Variants in ZFAND3 observed in about 807,000 individuals in gnomAD.
ZFAND3 encodes AN1-type zinc finger protein 3.
In ZFAND3, 10 loss-of-function variants were observed where a neutral mutation model predicts 29.6. The ratio of observed to expected loss-of-function variants is 0.34; its 90% CI spans 0.21 to 0.57. The LOEUF is 0.57. ZFAND3 is among the 20% of genes least tolerant of loss of function. ZFAND3 has a pLI of 0.86. For missense variants in ZFAND3, 230 were observed against 304.5 expected, an observed-to-expected ratio of 0.76 and a Z score of 1.82; for synonymous variants, 128 against 112.6, an observed-to-expected ratio of 1.14 and a Z score of -0.87.
intron 2 of ZFAND3, among the ~76,000 whole-genome samples, chr6:38,042,857 T>C (rs1473370701): frequency 8.5e-5 from 13 of 152,182 alleles, no homozygotes; most frequent in Admixed American, 8.5e-4. Context: ...AGTCATAGAT[T>C]AGCGTTCATG....
intron 2 of ZFAND3, among the ~76,000 whole-genome samples, chr6:37,985,527 A>ACACCC (rs753070737): frequency 1.4e-5 from 2 of 141,656 alleles, no homozygotes; most frequent in Non-Finnish European, 3.2e-5. Flanking sequence ...ACACACACAC[A>ACACCC]CCCCCACACA....
intron 2 of ZFAND3, among the ~76,000 whole-genome samples, chr6:37,935,753 A>T (rs1004889678): frequency 1.3e-5 from 2 of 152,186 alleles, no homozygotes. Flanking sequence ...AAAATCTTGG[A>T]ATCTAATTTG....
chr6:37,897,937 C>A lies in ZFAND3; in HGVS notation c.72-32022C>A, dbSNP rs188702817. 2.0e-5 allele frequency among the ~76,000 whole-genome samples: 3 copies of A among 152,266 alleles called. No homozygotes were observed. The East Asian group carries it at 5.8e-4, about 29-fold the overall frequency. ...GTTCTTTTTATAGTTTACGCACATACCCACACACACACCCCATGTATGTGT... is the reference window on the plus strand; with the variant it reads ...GTTCTTTTTATAGTTTACGCACATAACCACACACACACCCCATGTATGTGT... On this transcript the variant is annotated intron_variant, in intron 1 of 5. Transcript: ENST00000287218.
intron 2 of ZFAND3, among the ~76,000 whole-genome samples, chr6:37,956,845 A>C (rs987502869): frequency 6.6e-6 from 1 of 152,168 alleles, no homozygotes; most frequent in African/African-American, 2.4e-5. Flanking sequence ...TGGAAGCCAG[A>C]TATGAAGAGA....
At chr6:38,084,465 ATCT>A (rs1455612918) in intron 4 of ZFAND3, among the ~76,000 whole-genome samples, 2 of 152,226 alleles carry the variant, frequency 1.3e-5, no homozygotes, top group Non-Finnish European at 1.5e-5. Context: ...AGTTTCCATC[ATCT>A]TAATGAGGAT....
chr6:38,123,419 G>C (rs775366862), intron 5 of ZFAND3, among the ~76,000 whole-genome samples: 1 of 152,184 alleles, frequency 6.6e-6, no homozygotes, highest in Admixed American at 6.5e-5. Context: ...TTGGCATTCT[G>C]TCTTATGTCT....
At position 37,896,558 on chromosome 6, in the gene ZFAND3, CTTTCTTTCTT is replaced by C. The variant is rs1554153855; in HGVS notation, c.72-33399_72-33390del. ...TCTTTCTTTCTTTCTTTCTTTCTTT[CTTTCTTTCTT>C]TCTCTCTTTCTCTCTCTTTCTCTTT... On this transcript the variant is annotated intron_variant, in intron 1 of 5. Coordinates refer to ENST00000287218, the MANE Select transcript of ZFAND3 (RefSeq NM_021943.3). Among the ~76,000 whole-genome samples the C allele has an allele frequency of 1.2e-4, 17 of 138,428 alleles. No homozygotes were observed. The East Asian group carries it at 3.4e-3, about 27-fold the overall frequency. 90.8% of individuals were successfully genotyped at this position (138,428 alleles called of 152,430 possible).
At chr6:38,024,304 A>T (rs1967149) in intron 2 of ZFAND3, among the ~76,000 whole-genome samples, 70,469 of 151,494 alleles carry the variant, frequency 0.47, 17,058 homozygotes, top group Non-Finnish European at 0.53. Context: ...AACTGTCTCT[A>T]CTAAAAAATA....
At chr6:38,058,670 A>G (rs1764177977) in intron 2 of ZFAND3, among the ~76,000 whole-genome samples, 2 of 152,180 alleles carry the variant, frequency 1.3e-5, no homozygotes, top group South Asian at 4.1e-4. Flanking sequence ...TGGTGATCAC[A>G]GTGCCACATC....
chr6:37,869,705 G>T (rs1237445609), intron 1 of ZFAND3, among the ~76,000 whole-genome samples: 3 of 151,162 alleles, frequency 2.0e-5, no homozygotes, highest in Non-Finnish European at 2.9e-5. Flanking sequence ...AGAGTTGGGG[G>T]TCTCACTTTG....
intron 2 of ZFAND3, among the ~76,000 whole-genome samples, chr6:38,058,508 G>T (rs1408596262): frequency 6.6e-6 from 1 of 152,216 alleles, no homozygotes; most frequent in African/African-American, 2.4e-5. Context: ...CAAGAAAGTG[G>T]CTAGGAGAAA....
At chr6:37,909,528 C>T (rs1412664192) in intron 1 of ZFAND3, among the ~76,000 whole-genome samples, 1 of 151,816 alleles carries the variant, frequency 6.6e-6, no homozygotes, top group African/African-American at 2.4e-5. Context: ...GATCCACCTG[C>T]CCTTGGCCTC....
At chr6:37,839,385 T>G (rs1163212835) in intron 1 of ZFAND3, among the ~76,000 whole-genome samples, 1 of 152,014 alleles carries the variant, frequency 6.6e-6, no homozygotes, top group African/African-American at 2.4e-5. Flanking sequence ...TTTCACCGTG[T>G]TAGCTGGGAT....
intron 5 of ZFAND3, among the ~76,000 whole-genome samples, chr6:38,124,823 C>T (rs1224726089): frequency 1.3e-5 from 2 of 152,168 alleles, no homozygotes; most frequent in Admixed American, 6.5e-5. Context: ...ACGCTGAGGC[C>T]GAGGAGGCGC....
rs1437743301 is a variant in ZFAND3 at position 37,865,069 on chromosome 6, T to C, written c.71+45053T>C. Among the ~76,000 whole-genome samples the C allele has an allele frequency of 5.3e-5, 8 of 152,072 alleles. 1 individual carries two copies. The highest frequency in any genetic ancestry group is 5.2e-4 in the Admixed American group (8 of 15,272). On this transcript the variant is annotated intron_variant, in intron 1 of 5. Coordinates refer to ENST00000287218, the MANE Select transcript of ZFAND3 (RefSeq NM_021943.3). ...GGCGGGCACCTATAATCTCAGCTAC[T>C]CAGGAGGCTGAGGCACGAGAATTGC...
intron 1 of ZFAND3, among the ~76,000 whole-genome samples, chr6:37,899,357 C>T (rs1284082490): frequency 6.6e-6 from 1 of 152,000 alleles, no homozygotes; most frequent in Non-Finnish European, 1.5e-5. Context: ...TTACTTTTTT[C>T]CTGCATCGGG....
At chr6:38,131,724 C>G (rs1017954014) in intron 5 of ZFAND3, among the ~76,000 whole-genome samples, 2 of 152,232 alleles carry the variant, frequency 1.3e-5, no homozygotes, top group Admixed American at 6.5e-5. Context: ...CTGTAACTTC[C>G]CACAGCCCCT....
At chr6:38,149,903 A>G (rs948257851) in intron 5 of ZFAND3, among the ~76,000 whole-genome samples, 3 of 152,328 alleles carry the variant, frequency 2.0e-5, no homozygotes, top group Non-Finnish European at 4.4e-5. Context: ...GGGAAGGGGC[A>G]GCAGGGGTCC....
chr6:38,095,261 A>G (rs767415484), intron 4 of ZFAND3, among the ~76,000 whole-genome samples: 1 of 152,234 alleles, frequency 6.6e-6, no homozygotes, highest in African/African-American at 2.4e-5. Context: ...GAGCCATTGC[A>G]TAAGAATCTC....
Sources: gnomAD v4.1 joint callset for allele counts (sites outside exome capture counted in the v4.1 genomes callset) on GRCh38, gnomAD v4.1.1 for gene constraint, MANE v1.5 for transcripts, NCBI Gene and HGNC (gene_info 2026-07-23, HGNC 2026-07-21) for gene names.